NF1: variants seen among roughly 807,000 people sequenced by gnomAD.
The protein encoded by NF1 is neurofibromin.
NF1 carries 122 observed loss-of-function variants against 325.7 expected under a neutral mutation model. That is an observed-to-expected ratio of 0.37 (90% CI 0.32 to 0.44). NF1 has a LOEUF of 0.44. NF1 is among the 20% of genes least tolerant of loss of function. The pLI, the probability that NF1 is intolerant of heterozygous loss-of-function variation, is 1.00. For synonymous variants in NF1, 1,091 were observed against 1,186.0 expected (o/e 0.92, Z 1.65); for missense variants, 2,140 against 3,415.4 (o/e 0.63, Z 9.31).
rs1325674816 is a variant in NF1 at position 31,129,301 on chromosome 17, T to C, written c.61-26682T>C. On this transcript the variant is annotated intron_variant, in intron 1 of 57. Transcript: ENST00000358273. Reference sequence around the variant, plus strand: ...TCATATATTTAGTCTCTTTATATAATTTCATATTTCTTGGGGGTTTTGTTT... The same window carrying C: ...TCATATATTTAGTCTCTTTATATAACTTCATATTTCTTGGGGGTTTTGTTT... 2.0e-5 allele frequency among the ~76,000 whole-genome samples: 3 copies of C among 152,148 alleles called. No individual in the cohort carries two copies. In the East Asian group the frequency reaches 5.8e-4, roughly 29 times the overall value.
intron 36 of NF1, among the ~76,000 whole-genome samples, chr17:31,269,299 A>G (rs754779572): frequency 1.3e-5 from 2 of 152,154 alleles, no homozygotes; most frequent in Non-Finnish European, 2.9e-5. Context: ...GTACTTTTCT[A>G]ATCTTTTCCT....
rs1459198374 is a variant in NF1 at position 31,218,998 on chromosome 17, C to G, written c.1528-7C>G. The stretch of plus-strand genomic sequence containing the variant: ...TTTTAATTGAAGTTTCCTTTTTTTC[C>G]TTGCAGAATCCAAGAAAACAGGGGC... On this transcript the variant is annotated splice_region_variant and splice_polypyrimidine_tract_variant and intron_variant, in intron 13 of 57. Transcript: ENST00000358273. 6.2e-7 allele frequency: 1 copy of G among 1,608,166 alleles called. No individual in the cohort carries two copies. Among genetic ancestry groups the G allele is most frequent in the African/African-American group, 1.3e-5 (1 of 74,596 alleles).
chr17:31,321,661 A>C (rs1205367985), intron 36 of NF1: 1 of 151,964 alleles, frequency 6.6e-6, no homozygotes, highest in Admixed American at 6.6e-5. Flanking sequence ...AAACCAAACC[A>C]CAGATGACAC....
chr17:31,167,033 G>C (rs73273540), intron 4 of NF1, among the ~76,000 whole-genome samples: 2,224 of 152,116 alleles, frequency 0.015, 63 homozygotes, highest in African/African-American at 0.051. Context: ...CTCAGACTAC[G>C]CTTTATTTGA....
At chr17:31,226,949 T>C (rs2067025853) in intron 18 of NF1, among the ~76,000 whole-genome samples, 2 of 152,252 alleles carry the variant, frequency 1.3e-5, no homozygotes, top group African/African-American at 4.8e-5. Context: ...TGTAATTTAC[T>C]CTGCCTAAGT....
chr17:31,336,592 C>A lies in NF1; in HGVS notation c.6148-43C>A, dbSNP rs1349934874. On this transcript the variant is annotated intron_variant, in intron 41 of 57. Coordinates refer to ENST00000358273, the MANE Select transcript of NF1 (RefSeq NM_001042492.3). This position sits in a 1 kb window ranked among gnomAD's most constrained non-coding sequence, Gnocchi z 5.5. Reference sequence around the variant, plus strand: ...CTTTTTTGTGCTAAAACTTTGAGTCCCATGTTTTTTTTTTTAAAAAAAAAA... The same window carrying A: ...CTTTTTTGTGCTAAAACTTTGAGTCACATGTTTTTTTTTTTAAAAAAAAAA... The A allele has an allele frequency of 6.5e-7, 1 of 1,541,800 alleles. No individual in the cohort carries two copies. The highest frequency in any genetic ancestry group is 8.7e-7 in the Non-Finnish European group (1 of 1,149,140).
chr17:31,286,018 A>G (rs1365294325), intron 36 of NF1, among the ~76,000 whole-genome samples: 1 of 152,168 alleles, frequency 6.6e-6, no homozygotes, highest in Non-Finnish European at 1.5e-5. Flanking sequence ...TTTATAGTCA[A>G]CTCATAGTTA....
chr17:31,318,176 T>C, intron 36 of NF1: 1 of 1,214,222 alleles, frequency 8.2e-7, no homozygotes, highest in South Asian at 1.6e-5. Context: ...CTCACCTGCT[T>C]GATTCTAAAT....
chr17:31,283,954 G>T (rs2068174481), intron 36 of NF1, among the ~76,000 whole-genome samples: 1 of 152,204 alleles, frequency 6.6e-6, no homozygotes, highest in South Asian at 2.1e-4. Context: ...CATTACTTGG[G>T]TGTTAGTGGT....
rs766889741 is a variant in NF1, at chr17:31,358,472, T to C, written c.7971-8T>C. The C allele has an allele frequency of 4.3e-6, 7 of 1,613,406 alleles. No homozygotes were observed. Among genetic ancestry groups the C allele is most frequent in the Non-Finnish European group, 5.1e-6 (6 of 1,179,674 alleles). Reference sequence around the variant, plus strand: ...AATGTTCCTCTGTTGACTTTTTTTTTCTTTTAGGCATAATTTGTTGGACTC... The same window carrying C: ...AATGTTCCTCTGTTGACTTTTTTTTCCTTTTAGGCATAATTTGTTGGACTC... On this transcript the variant is annotated splice_polypyrimidine_tract_variant and splice_region_variant and intron_variant, in intron 54 of 57. Transcript: ENST00000358273.
chr17:31,342,363 C>T (rs1370039166), intron 47 of NF1, among the ~76,000 whole-genome samples: 8 of 151,960 alleles, frequency 5.3e-5, no homozygotes, highest in Admixed American at 1.3e-4. Context: ...TCTGGGAGGC[C>T]GAGTTGGGAG....
At position 31,215,033 on chromosome 17, in the gene NF1, A is replaced by T. The variant is rs17885724; in HGVS notation, c.1527+448A>T. Among the ~76,000 whole-genome samples, 345 of 152,266 alleles carry T rather than the reference A, an allele frequency of 2.3e-3. 1 individual carries two copies. The highest frequency in any genetic ancestry group is 7.0e-3 in the African/African-American group (289 of 41,536). On this transcript the variant is annotated intron_variant, in intron 13 of 57. Coordinates refer to ENST00000358273, the MANE Select transcript of NF1 (RefSeq NM_001042492.3). ...TTCTTTGTGTTATCAGCTTTCTGTTATCATTGGCTCTGCCTACAAATACTG... is the reference window on the plus strand; with the variant it reads ...TTCTTTGTGTTATCAGCTTTCTGTTTTCATTGGCTCTGCCTACAAATACTG...
rs1357183761 is a variant in NF1, at chr17:31,374,719, A to T, written c.*564A>T. 4.4e-6 allele frequency: 1 copy of T among 227,262 alleles called. No individual in the cohort carries two copies. Among genetic ancestry groups the T allele is most frequent in the African/African-American group, 2.2e-5 (1 of 44,910 alleles). The allele number at this position is 227,262 out of a possible 1,614,324, so 14.1% of individuals were successfully genotyped here. A position where few individuals can be genotyped will look rare whatever the true frequency, so the allele number is the denominator to read the frequency against. ...AAGCCTCAGTGACTTGACACCATAA[A>T]GCCACAGACAAGGTACTTGGGGGGG... is the stretch of plus-strand genomic sequence containing the variant. On this transcript the variant is annotated 3_prime_UTR_variant, in exon 58 of 58. Transcript: ENST00000358273.
chr17:31,112,780 A>G (rs1913532563), intron 1 of NF1, among the ~76,000 whole-genome samples: 1 of 152,158 alleles, frequency 6.6e-6, no homozygotes, highest in Non-Finnish European at 1.5e-5. Flanking sequence ...CCACCTTATC[A>G]ATTAAAAAAT....
intron 5 of NF1, among the ~76,000 whole-genome samples, chr17:31,173,802 C>T (rs2065972863): frequency 6.6e-6 from 1 of 152,016 alleles, no homozygotes; most frequent in African/African-American, 2.4e-5. Flanking sequence ...AGTAGGATGT[C>T]CAACAAGAAA....
At chr17:31,216,827 T>C (rs926580813) in intron 13 of NF1, among the ~76,000 whole-genome samples, 2 of 152,146 alleles carry the variant, frequency 1.3e-5, no homozygotes, top group Non-Finnish European at 2.9e-5. Flanking sequence ...TTTCAGTCTT[T>C]CTAACCACAT....
intron 36 of NF1, chr17:31,296,071 G>T: frequency 6.2e-7 from 1 of 1,613,886 alleles, no homozygotes; most frequent in Non-Finnish European, 8.5e-7. Context: ...CAAGCCTGTT[G>T]TTTGAAATGT....
chr17:31,356,399 G>T, intron 51 of NF1, 61 bp from the exon 52 acceptor site: 3 of 1,553,180 alleles, frequency 1.9e-6, no homozygotes, highest in Non-Finnish European at 2.7e-6. Flanking sequence ...TCTTTTTAGT[G>T]TATTCCCATT....
intron 1 of NF1, among the ~76,000 whole-genome samples, chr17:31,141,743 A>T (rs1227449222): frequency 6.6e-6 from 1 of 152,162 alleles, no homozygotes; most frequent in Non-Finnish European, 1.5e-5. Flanking sequence ...TTGAGGTTGC[A>T]GTCAAGCTGT....
Sources: allele counts gnomAD v4.1 joint callset (sites outside exome capture counted in the v4.1 genomes callset), GRCh38; gene constraint gnomAD v4.1.1; non-coding constraint Gnocchi (gnomAD v3.1); transcripts MANE v1.5; gene names NCBI Gene and HGNC (gene_info 2026-07-23, HGNC 2026-07-21).